The following ACOX2 variants were observed in gnomAD, a reference collection of about 807,000 sequenced individuals.
ACOX2 encodes the protein acyl-CoA oxidase 2.
ACOX2 carries 59 observed loss-of-function variants against 77.5 expected under a neutral mutation model. The ratio of observed to expected loss-of-function variants is 0.76; its 90% CI spans 0.62 to 0.95. The LOEUF is 0.95. ACOX2 is among the 40% of genes least tolerant of loss of function. The pLI is 0.00. For missense variants in ACOX2, 837 were observed against 880.4 expected, an observed-to-expected ratio of 0.95 and a Z score of 0.62; for synonymous variants, 317 against 340.1, an observed-to-expected ratio of 0.93 and a Z score of 0.75.
At chr3:58,507,517 A>T (rs1421307140) in intron 14 of ACOX2, among the ~76,000 whole-genome samples, 1 of 152,226 alleles carries the variant, frequency 6.6e-6, no homozygotes, top group Non-Finnish European at 1.5e-5. Context: ...CTGTGTTGCC[A>T]GTATAACAGG....
chr3:58,530,460 C>A lies in ACOX2; in HGVS notation c.992+6G>T, dbSNP rs753683458. On this transcript the variant is annotated splice_donor_region_variant and intron_variant, in intron 8 of 14. Transcript: ENST00000302819. ...CTGCGGTAGTCAGTCACTGGGCACC[C>A]CTTGCCTGGGCCGGAGCCGGGATTG... is the stretch of plus-strand genomic sequence containing the variant. 1.9e-6 allele frequency: 3 copies of A among 1,613,242 alleles called. No individual in the cohort carries two copies. The Admixed American group carries it at 5.0e-5, about 27-fold the overall frequency.
intron 13 of ACOX2, 141 bp downstream of exon 13, chr3:58,517,065 G>T: frequency 1.3e-6 from 1 of 765,086 alleles, no homozygotes. Context: ...TTATGCTGGT[G>T]TAATGATAAT....
Position 58,519,277 on chromosome 3 carries a change from G to A in ACOX2, c.1633-1854C>T, listed in dbSNP as rs1043586333. On this transcript the variant is annotated intron_variant, in intron 12 of 14. Transcript: ENST00000302819. This position sits in a 1 kb window ranked among gnomAD's most constrained non-coding sequence, Gnocchi z 5.0. ...TGCACACCTGTAATTCTGGCTACTCGGAAGGCTGAGGCACAAGAATTGCTT... is the reference window on the plus strand; with the variant it reads ...TGCACACCTGTAATTCTGGCTACTCAGAAGGCTGAGGCACAAGAATTGCTT... 1.3e-5 allele frequency among the ~76,000 whole-genome samples: 2 copies of A among 151,994 alleles called. No individual in the cohort carries two copies. The highest frequency in any genetic ancestry group is 4.8e-5 in the African/African-American group (2 of 41,388).
At chr3:58,507,364 A>T (rs2063242483) in intron 14 of ACOX2, among the ~76,000 whole-genome samples, 1 of 152,164 alleles carries the variant, frequency 6.6e-6, no homozygotes, top group Admixed American at 6.5e-5. Context: ...AAATGTGTTG[A>T]CCCTCTGGGT....
chr3:58,528,161 G>A lies in ACOX2; in HGVS notation c.1155+633C>T, dbSNP rs1576998001. ...TTCAAGTCCTTGGGAGGAAAGTTATGTCCCTTGATCTCTCTGTGCCTCATT... is the reference window on the plus strand; with the variant it reads ...TTCAAGTCCTTGGGAGGAAAGTTATATCCCTTGATCTCTCTGTGCCTCATT... On this transcript the variant is annotated intron_variant, in intron 9 of 14. Transcript: ENST00000302819. This position sits in a 1 kb window ranked among gnomAD's most constrained non-coding sequence, Gnocchi z 5.6. Among the ~76,000 whole-genome samples, 1 of 152,194 alleles carries A rather than the reference G, an allele frequency of 6.6e-6. No homozygotes were observed. The highest frequency in any genetic ancestry group is 2.4e-5 in the African/African-American group (1 of 41,436).
chr3:58,507,269 T>C (rs1463730390), intron 14 of ACOX2, among the ~76,000 whole-genome samples: 1 of 152,022 alleles, frequency 6.6e-6, no homozygotes, highest in Admixed American at 6.6e-5. Flanking sequence ...GATCTTGGAG[T>C]TGGGAAGGTG....
intron 12 of ACOX2, among the ~76,000 whole-genome samples, chr3:58,520,909 C>T (rs2063353620): frequency 6.6e-6 from 1 of 152,170 alleles, no homozygotes; most frequent in South Asian, 2.1e-4. Context: ...CTATTTCCTA[C>T]CTCTGGGACC....
In ACOX2 at chr3:58,526,939, G is replaced by T. The variant is rs528066606; in HGVS notation, c.1156-283C>A. On this transcript the variant is annotated intron_variant, in intron 9 of 14. Transcript: ENST00000302819. The surrounding 1 kb of genome is among the most constrained non-coding windows in gnomAD (Gnocchi z 4.3). The stretch of plus-strand genomic sequence containing the variant: ...GGGAAGAGGGTGCTGCCTGGATTGG[G>T]CCCACAAACCTCCAGGAGTTACGGA... 6.6e-6 allele frequency among the ~76,000 whole-genome samples: 1 copy of T among 152,124 alleles called. No individual in the cohort carries two copies. The highest frequency in any genetic ancestry group is 1.5e-5 in the Non-Finnish European group (1 of 68,010).
At position 58,526,628 on chromosome 3, in the gene ACOX2, G is replaced by A. The variant is rs2063397521; in HGVS notation, c.1184C>T (p.Ala395Val). The change falls in exon 10 of 15, where the codon GCC (alanine) becomes GTC (valine). Residue 395 changes from alanine to valine, a missense_variant. Ala to Val is a moderately conservative substitution (Grantham distance 64). Transcript: ENST00000302819. The surrounding 1 kb of genome is among the most constrained non-coding windows in gnomAD (Gnocchi z 4.3). ...CTGGGTGCAGAATTCTGACATCATG[G>A]CCTTCATGCCCGTGCTCAGTGCGTG... ...ELHALSTGMKAMMSEFCTQGA... is the reference protein window; with the variant it reads ...ELHALSTGMKVMMSEFCTQGA... The A allele has an allele frequency of 1.9e-6, 3 of 1,614,040 alleles. No individual in the cohort carries two copies. The highest frequency in any genetic ancestry group is 1.7e-5 in the Admixed American group (1 of 60,004).
intron 14 of ACOX2, among the ~76,000 whole-genome samples, chr3:58,507,460 A>G (rs2063243351): frequency 1.3e-5 from 2 of 152,200 alleles, no homozygotes; most frequent in African/African-American, 4.8e-5. Flanking sequence ...ACCAACTAAA[A>G]CACAAGAAAG....
Position 58,522,496 on chromosome 3 carries a change from CT to C in ACOX2, c.1631del (p.Lys544ArgfsTer9). 6.2e-7 allele frequency: 1 copy of C among 1,614,040 alleles called. No homozygotes were observed. Among genetic ancestry groups the C allele is most frequent in the Non-Finnish European group, 8.5e-7 (1 of 1,179,898 alleles). On this transcript the variant is annotated frameshift_variant and splice_region_variant, in exon 12 of 15. Coordinates refer to ENST00000302819, the MANE Select transcript of ACOX2 (RefSeq NM_003500.4). LOFTEE classifies it high-confidence loss of function. This position sits in a 1 kb window ranked among gnomAD's most constrained non-coding sequence, Gnocchi z 4.3. ...QTTVIHLQAAKVHCYYVTVKG... is the reference protein window; with the variant it reads ...QTTVIHLQAAXVHCYYVTVKG... ...TCAGCTTCAGCTGGCAGGCGCTCAC[CT>C]TAGCAGCCTGGAGGTGTATGACAGT...
chr3:58,531,388 G>A lies in ACOX2; in HGVS notation c.704-22C>T. The A allele has an allele frequency of 6.3e-7, 1 of 1,595,522 alleles. No homozygotes were observed. The highest frequency in any genetic ancestry group is 8.6e-7 in the Non-Finnish European group (1 of 1,163,656). On this transcript the variant is annotated intron_variant, in intron 6 of 14. Transcript: ENST00000302819. This position sits in a 1 kb window ranked among gnomAD's most constrained non-coding sequence, Gnocchi z 5.8. Reference sequence around the variant, plus strand: ...ATTCCTTGAAGGAGATGGAGATGAGGACACCTATCAGTTGAGAGAGTGCTT... The same window carrying A: ...ATTCCTTGAAGGAGATGGAGATGAGAACACCTATCAGTTGAGAGAGTGCTT...
In ACOX2 at chr3:58,534,163, T is replaced by C. The variant is rs1475378600; in HGVS notation, c.324-18A>G. ...AAAGGGCTCTGTTGGGGAGAGATGCTGTAGTTGAGTAGCTTATTGGAGACA... is the reference window on the plus strand; with the variant it reads ...AAAGGGCTCTGTTGGGGAGAGATGCCGTAGTTGAGTAGCTTATTGGAGACA... On this transcript the variant is annotated intron_variant, in intron 3 of 14. Transcript: ENST00000302819. This position sits in a 1 kb window ranked among gnomAD's most constrained non-coding sequence, Gnocchi z 4.8. 1 of 1,613,650 alleles carries C rather than the reference T, an allele frequency of 6.2e-7. No individual in the cohort carries two copies. Among genetic ancestry groups the C allele is most frequent in the Admixed American group, 1.7e-5 (1 of 59,964 alleles).
In ACOX2 at chr3:58,517,389, G is replaced by C. The variant is rs2063329077; in HGVS notation, c.1667C>G (p.Thr556Arg). 4 of 1,614,032 alleles carry C rather than the reference G, an allele frequency of 2.5e-6. No individual in the cohort carries two copies. In the South Asian group the frequency reaches 4.4e-5, roughly 18 times the overall value. Residue 556 changes from threonine to arginine, a missense_variant, in exon 13 of 15, where the codon ACA becomes AGA. Thr to Arg is a moderately conservative substitution (Grantham distance 71). Coordinates refer to ENST00000302819, the MANE Select transcript of ACOX2 (RefSeq NM_003500.4). ...ATTTTCTAGTTTCTCCAGAGCTTCTGTAAAACCCTTCACAGTGACATAGTA... is the reference window on the plus strand; with the variant it reads ...ATTTTCTAGTTTCTCCAGAGCTTCTCTAAAACCCTTCACAGTGACATAGTA... Reference protein sequence around the residue: ...HCYYVTVKGFTEALEKLENEP... With the variant: ...HCYYVTVKGFREALEKLENEP...
intron 12 of ACOX2, among the ~76,000 whole-genome samples, chr3:58,517,638 G>T (rs189515863): frequency 2.0e-4 from 29 of 142,926 alleles, no homozygotes; most frequent in Admixed American, 6.2e-4. Flanking sequence ...GGACGGGGGG[G>T]ACTGGTGGGC....
intron 7 of ACOX2, 63 bp from the exon 8 acceptor site, chr3:58,530,701 C>A: frequency 6.5e-7 from 1 of 1,531,460 alleles, no homozygotes; most frequent in Non-Finnish European, 8.9e-7. Context: ...CCTCGCTTCT[C>A]CAGAGCTGTG....
chr3:58,514,560 C>T lies in ACOX2; in HGVS notation c.1850+2646G>A, dbSNP rs770266785. 2.6e-5 allele frequency among the ~76,000 whole-genome samples: 4 copies of T among 152,154 alleles called. No individual in the cohort carries two copies. Among genetic ancestry groups the T allele is most frequent in the Non-Finnish European group, 5.9e-5 (4 of 68,032 alleles). On this transcript the variant is annotated intron_variant, in intron 13 of 14. Transcript: ENST00000302819. The surrounding 1 kb of genome is among the most constrained non-coding windows in gnomAD (Gnocchi z 4.3). ...CTAATCAAGGCAGGGAACTGTGACACCAAACAGTGATATGCATAGAATCTG... is the reference window on the plus strand; with the variant it reads ...CTAATCAAGGCAGGGAACTGTGACATCAAACAGTGATATGCATAGAATCTG...
chr3:58,510,656 A>T (rs2063273661), intron 13 of ACOX2, among the ~76,000 whole-genome samples: 7 of 33,442 alleles, frequency 2.1e-4, no homozygotes, highest in Admixed American at 5.0e-4. Context: ...AAAAAAAAAA[A>T]AAAAAAAATA....
rs1004954944 is a variant in ACOX2 at position 58,528,719 on chromosome 3, G to T, written c.1155+75C>A. The T allele has an allele frequency of 3.4e-6, 5 of 1,479,448 alleles. No homozygotes were observed. Among genetic ancestry groups the T allele is most frequent in the African/African-American group, 1.4e-5 (1 of 71,356 alleles). 91.6% of individuals were successfully genotyped at this position (1,479,448 alleles called of 1,614,324 possible). ...GAGTGCCCATGGGGATGGGGCTGTGGCTGCTCCCCAGTGAGTGGAACAATC... is the reference window on the plus strand; with the variant it reads ...GAGTGCCCATGGGGATGGGGCTGTGTCTGCTCCCCAGTGAGTGGAACAATC... On this transcript the variant is annotated intron_variant, in intron 9 of 14. Coordinates refer to ENST00000302819, the MANE Select transcript of ACOX2 (RefSeq NM_003500.4). The surrounding 1 kb of genome is among the most constrained non-coding windows in gnomAD (Gnocchi z 5.6).
Sources: gnomAD v4.1 joint callset for allele counts (sites outside exome capture counted in the v4.1 genomes callset) on GRCh38, gnomAD v4.1.1 for gene constraint, Gnocchi (gnomAD v3.1) non-coding constraint, MANE v1.5 for transcripts, NCBI Gene and HGNC (gene_info 2026-07-23, HGNC 2026-07-21) for gene names.